The following CSGALNACT2 variants were observed in gnomAD, a reference collection of about 807,000 sequenced individuals.
CSGALNACT2 encodes the protein beta 4 GalNAcT-2.
Under a neutral mutation model 55.3 loss-of-function variants are expected in CSGALNACT2, and 35 were observed. The ratio of observed to expected loss-of-function variants is 0.63; its 90% confidence interval spans 0.48 to 0.84. CSGALNACT2 has a LOEUF of 0.84. Among genes scored for constraint, CSGALNACT2 ranks in the 40% least tolerant of loss-of-function variants. The probability of loss-of-function intolerance (pLI) is 0.00; values close to 1 mark genes in which losing one functional copy is unlikely to be tolerated. For missense variants in CSGALNACT2, 544 were observed against 657.5 expected, an observed-to-expected ratio of 0.83 and a Z score of 1.89; for synonymous variants, 196 against 224.9, an observed-to-expected ratio of 0.87 and a Z score of 1.15.
At position 43,184,340 on chromosome 10, in the gene CSGALNACT2, A is replaced by G. The variant is rs1839650822; in HGVS notation, c.*798A>G. On this transcript the variant is annotated 3_prime_UTR_variant, in exon 8 of 8. Transcript: ENST00000374466. Reference sequence around the variant, plus strand: ...TACAGGATCCTAGCTCTGTCTGGGAACATTAGTTTATTTGAGCCAGCTCTA... The same window carrying G: ...TACAGGATCCTAGCTCTGTCTGGGAGCATTAGTTTATTTGAGCCAGCTCTA... 1 of 152,216 alleles carries G rather than the reference A, an allele frequency of 6.6e-6. No homozygotes were observed. Among genetic ancestry groups the G allele is most frequent in the African/African-American group, 2.4e-5 (1 of 41,456 alleles). 9.4% of individuals were successfully genotyped at this position (152,216 alleles called of 1,614,324 possible).
intron 4 of CSGALNACT2, 77 bp downstream of exon 4, chr10:43,160,672 A>G (rs1247714645): frequency 2.7e-6 from 2 of 732,364 alleles, no homozygotes; most frequent in African/African-American, 1.8e-5. Context: ...GTAATGAGTT[A>G]ATAATTTTTA....
At position 43,160,577 on chromosome 10, in the gene CSGALNACT2, T is replaced by C; in HGVS notation, c.962T>C (p.Ile321Thr). 1 of 1,549,214 alleles carries C rather than the reference T, an allele frequency of 6.5e-7. No individual in the cohort carries two copies. Among genetic ancestry groups the C allele is most frequent in the Non-Finnish European group, 8.9e-7 (1 of 1,121,828 alleles). ...GAAGGACTGTCTAAAGTCAAGTCTA[T>C]CCTAGAATCTGTCACCAGGTTGGTG... ...GKEGLSKVKS[I>T]LESVTSESNF... The change falls in exon 4 of 8, where the codon ATC becomes ACC. Residue 321 changes from isoleucine to threonine, a missense_variant. Physicochemically the swap from Ile to Thr is moderately conservative, Grantham distance 89 (BLOSUM62 -1). Around this residue, in one of 2 missense-constraint regions of CSGALNACT2, gnomAD observed 374 missense variants for 401.3 expected, o/e 0.93. Transcript: ENST00000374466.
chr10:43,163,847 G>C lies in CSGALNACT2; in HGVS notation c.981-19G>C. The C allele has an allele frequency of 6.3e-7, 1 of 1,599,998 alleles. No homozygotes were observed. The highest frequency in any genetic ancestry group is 8.5e-7 in the Non-Finnish European group (1 of 1,170,878). On this transcript the variant is annotated intron_variant, in intron 4 of 7. Coordinates refer to ENST00000374466, the MANE Select transcript of CSGALNACT2 (RefSeq NM_018590.5). Reference sequence around the variant, plus strand: ...CTTTAAGTGGGACTTATCATTTGTTGTGTGTGCTTTCCTCATAGTGAGTCT... The same window carrying C: ...CTTTAAGTGGGACTTATCATTTGTTCTGTGTGCTTTCCTCATAGTGAGTCT...
intron 4 of CSGALNACT2, chr10:43,163,389 C>A: frequency 3.2e-6 from 2 of 623,108 alleles, no homozygotes; most frequent in Non-Finnish European, 4.0e-6. Context: ...AGGAAAACAG[C>A]TGAGGAAGAG....
chr10:43,175,932 T>C lies in CSGALNACT2; in HGVS notation c.1255-19T>C. The C allele has an allele frequency of 2.2e-6, 1 of 447,874 alleles. No homozygotes were observed. Among genetic ancestry groups the C allele is most frequent in the Non-Finnish European group, 2.8e-6 (1 of 352,046 alleles). 27.7% of individuals were successfully genotyped at this position (447,874 alleles called of 1,614,324 possible). A position where few individuals can be genotyped will look rare whatever the true frequency, so the allele number is the denominator to read the frequency against. Reference sequence around the variant, plus strand: ...CTTATGGAATTAAATTGTTTTCTGTTTTTTTTTTTTTAACTAAGGTTCACA... The same window carrying C: ...CTTATGGAATTAAATTGTTTTCTGTCTTTTTTTTTTTAACTAAGGTTCACA... On this transcript the variant is annotated intron_variant, in intron 6 of 7. Transcript: ENST00000374466.
chr10:43,162,200 A>T (rs766148841), intron 4 of CSGALNACT2: 7 of 519,192 alleles, frequency 1.3e-5, no homozygotes, highest in Non-Finnish European at 1.5e-5. Flanking sequence ...CCTGTTGCAG[A>T]TTGGCTTCTT....
At chr10:43,160,249 G>A (rs1864395) in intron 3 of CSGALNACT2, among the ~76,000 whole-genome samples, 114,823 of 152,140 alleles carry the variant, frequency 0.75, 43,909 homozygotes, top group African/African-American at 0.81. Flanking sequence ...CAATCCAAAA[G>A]CAAAAGTTCA....
chr10:43,149,376 C>T (rs2505507), intron 1 of CSGALNACT2, among the ~76,000 whole-genome samples: 36,608 of 152,066 alleles, frequency 0.24, 4,594 homozygotes, highest in Non-Finnish European at 0.28. Flanking sequence ...TGTGAGCCAC[C>T]GCACCCAGCC....
At chr10:43,168,223 C>A (rs1180561294) in intron 6 of CSGALNACT2, among the ~76,000 whole-genome samples, 1 of 152,078 alleles carries the variant, frequency 6.6e-6, no homozygotes, top group African/African-American at 2.4e-5. Flanking sequence ...GAGGTCAAGA[C>A]GGGTGGATCA....
chr10:43,138,723 G>A (rs1399298965), intron 1 of CSGALNACT2, among the ~76,000 whole-genome samples, 156 bp downstream of exon 1: 1 of 152,120 alleles, frequency 6.6e-6, no homozygotes, highest in Non-Finnish European at 1.5e-5. Flanking sequence ...GGATGAGCCT[G>A]CCGGAGTCGG....
At chr10:43,146,882 T>C (rs2133095151) in intron 1 of CSGALNACT2, among the ~76,000 whole-genome samples, 1 of 152,134 alleles carries the variant, frequency 6.6e-6, no homozygotes, top group East Asian at 1.9e-4. Context: ...ATGTTAGCCA[T>C]TCTATTTTTA....
chr10:43,150,414 G>T (rs546457465), intron 1 of CSGALNACT2, among the ~76,000 whole-genome samples: 1 of 152,280 alleles, frequency 6.6e-6, no homozygotes, highest in East Asian at 1.9e-4. Flanking sequence ...TACAGTACAG[G>T]TATGATGGTG....
chr10:43,155,540 G>A lies in CSGALNACT2; in HGVS notation c.391G>A (p.Ala131Thr). 1.2e-6 allele frequency: 2 copies of A among 1,614,194 alleles called. No individual in the cohort carries two copies. The highest frequency in any genetic ancestry group is 2.2e-5 in the South Asian group (2 of 91,078). Residue 131 changes from alanine (A) to threonine (T), a missense_variant, in exon 2 of 8, where the codon GCT (alanine) becomes ACT (threonine). By Grantham distance (58) the Ala-to-Thr change is moderately conservative. Around this residue, in one of 2 missense-constraint regions of CSGALNACT2, gnomAD observed 374 missense variants for 401.3 expected, o/e 0.93. Coordinates refer to ENST00000374466, the MANE Select transcript of CSGALNACT2 (RefSeq NM_018590.5). ...GTTTCTTCATTCCCAAATTGACAAA[G>A]CTGAAGTTAGCATAGGGGCCAAACT... is the stretch of plus-strand genomic sequence containing the variant. ...LEFLHSQIDK[A>T]EVSIGAKLPS...
intron 7 of CSGALNACT2, among the ~76,000 whole-genome samples, chr10:43,182,694 A>AT (rs903572653): frequency 5.3e-5 from 8 of 150,714 alleles, no homozygotes; most frequent in African/African-American, 2.0e-4. Flanking sequence ...CCTGGGCAAC[A>AT]TGGTGATACC....
intron 7 of CSGALNACT2, among the ~76,000 whole-genome samples, chr10:43,178,255 T>C (rs1588915124): frequency 6.6e-6 from 1 of 152,246 alleles, no homozygotes; most frequent in Admixed American, 6.5e-5. Flanking sequence ...AAGTCCCTTA[T>C]GTAAATATAC....
chr10:43,138,969 G>T (rs949965952), intron 1 of CSGALNACT2, among the ~76,000 whole-genome samples: 5 of 152,124 alleles, frequency 3.3e-5, no homozygotes, highest in Non-Finnish European at 7.4e-5. Context: ...GGAGGGCTCA[G>T]TGGGGCGGAG....
intron 7 of CSGALNACT2, among the ~76,000 whole-genome samples, 191 bp from the exon 8 acceptor site, chr10:43,183,056 CCTT>C (rs779078852): frequency 6.6e-6 from 1 of 152,136 alleles, no homozygotes; most frequent in African/African-American, 2.4e-5. Context: ...ACCTTGAGCT[CCTT>C]GAGTCCAAGT....
intron 4 of CSGALNACT2, 28 bp from the exon 5 acceptor site, chr10:43,163,838 T>G: frequency 6.3e-7 from 1 of 1,588,964 alleles, no homozygotes; most frequent in African/African-American, 1.3e-5. Flanking sequence ...GTGGGACTTA[T>G]CATTTGTTGT....
intron 7 of CSGALNACT2, among the ~76,000 whole-genome samples, chr10:43,177,328 G>A (rs2503849): frequency 0.79 from 120,237 of 151,678 alleles, 48,337 homozygotes; most frequent in African/African-American, 0.91. Flanking sequence ...TAAAGTGTAC[G>A]GTTAACCAGG....
Sources: gnomAD v4.1 joint callset for allele counts (sites outside exome capture counted in the v4.1 genomes callset) on GRCh38, gnomAD v4.1.1 for gene constraint, gnomAD v4.1.1 regional missense constraint, MANE v1.5 for transcripts, NCBI Gene and HGNC (gene_info 2026-07-23, HGNC 2026-07-21) for gene names.